The following CNTN1 variants were observed in gnomAD, a reference collection of about 807,000 sequenced individuals.
CNTN1 encodes contactin-1.
In CNTN1, 38 loss-of-function variants were observed where a neutral mutation model predicts 126.4. That is an observed-to-expected ratio of 0.30 (90% CI 0.23 to 0.39). The LOEUF (loss-of-function observed/expected upper bound fraction) is 0.39. Among genes scored for constraint, CNTN1 ranks in the 10% least tolerant of loss-of-function variants. The probability of loss-of-function intolerance (pLI) is 1.00; values close to 1 mark genes in which losing one functional copy is unlikely to be tolerated. For synonymous variants in CNTN1, 413 were observed against 422.6 expected (o/e 0.98, Z 0.28); for missense variants, 1,009 against 1,248.4 (o/e 0.81, Z 2.89).
chr12:40,833,159 A>G (rs1300900000), intron 1 of CNTN1, among the ~76,000 whole-genome samples: 1 of 151,950 alleles, frequency 6.6e-6, no homozygotes, highest in African/African-American at 2.4e-5. Flanking sequence ...CAATGGTGCA[A>G]TCTCGGCTCA....
At chr12:40,797,795 C>T (rs1225812204) in intron 1 of CNTN1, among the ~76,000 whole-genome samples, 1 of 151,794 alleles carries the variant, frequency 6.6e-6, no homozygotes, top group Non-Finnish European at 1.5e-5. Flanking sequence ...TTATGCAGTA[C>T]AAAACAAGGT....
chr12:40,943,756 A>G (rs1268524713), intron 13 of CNTN1, 32 bp downstream of exon 13: 2 of 1,609,292 alleles, frequency 1.2e-6, no homozygotes, highest in African/African-American at 2.7e-5. Context: ...CTTAATTTCT[A>G]ATGTATTAAA....
At chr12:41,033,525 C>T (rs890097694) in intron 23 of CNTN1, among the ~76,000 whole-genome samples, 1 of 152,022 alleles carries the variant, frequency 6.6e-6, no homozygotes, top group Non-Finnish European at 1.5e-5. Flanking sequence ...TTTAAATAGA[C>T]TATAGATAGC....
intron 1 of CNTN1, among the ~76,000 whole-genome samples, chr12:40,892,024 C>T (rs1485610079): frequency 6.6e-6 from 1 of 152,046 alleles, no homozygotes; most frequent in Non-Finnish European, 1.5e-5. Flanking sequence ...ATGTTTTTAT[C>T]TTTGTGTTTT....
intron 20 of CNTN1, among the ~76,000 whole-genome samples, chr12:41,024,683 C>T (rs141669730): frequency 2.6e-5 from 4 of 152,198 alleles, no homozygotes; most frequent in African/African-American, 9.6e-5. Context: ...GTATTCTAGG[C>T]CACATAGTAA....
intron 17 of CNTN1, among the ~76,000 whole-genome samples, chr12:40,999,699 T>C (rs1249900600): frequency 5.7e-5 from 2 of 35,254 alleles, no homozygotes; most frequent in East Asian, 5.0e-4. Context: ...CTTCTGTGCT[T>C]TTTTTTTTTT....
intron 1 of CNTN1, among the ~76,000 whole-genome samples, chr12:40,757,340 C>T (rs534859314): frequency 6.6e-6 from 1 of 151,810 alleles, no homozygotes; most frequent in South Asian, 2.1e-4. Context: ...TTCCACATTC[C>T]TGTGACTTCT....
intron 23 of CNTN1, among the ~76,000 whole-genome samples, chr12:41,031,539 C>A (rs1277323066): frequency 6.6e-6 from 1 of 152,104 alleles, no homozygotes; most frequent in Non-Finnish European, 1.5e-5. Context: ...ATTGCTCATA[C>A]ATTTCCTAAA....
chr12:40,754,823 T>C (rs1466466819), intron 1 of CNTN1, among the ~76,000 whole-genome samples: 1 of 152,052 alleles, frequency 6.6e-6, no homozygotes, highest in African/African-American at 2.4e-5. Context: ...GAAAAAGAAC[T>C]CTATGCCTTC....
chr12:41,055,157 C>A (rs1949775770), intron 23 of CNTN1, among the ~76,000 whole-genome samples: 1 of 151,838 alleles, frequency 6.6e-6, no homozygotes, highest in African/African-American at 2.4e-5. Context: ...TTTTTATTAT[C>A]TTGGATTGGT....
chr12:40,780,130 A>C (rs1302549530), intron 1 of CNTN1, among the ~76,000 whole-genome samples: 2 of 151,900 alleles, frequency 1.3e-5, no homozygotes, highest in African/African-American at 4.8e-5. Context: ...CCTGCTTTGG[A>C]GATACGGCTG....
At chr12:40,808,490 A>G (rs959429140) in intron 1 of CNTN1, among the ~76,000 whole-genome samples, 2 of 152,196 alleles carry the variant, frequency 1.3e-5, no homozygotes, top group Admixed American at 6.5e-5. Context: ...CAGATAAAAT[A>G]GGTGTAAATA....
At chr12:41,001,959 C>T (rs1252981197) in intron 17 of CNTN1, among the ~76,000 whole-genome samples, 1 of 152,062 alleles carries the variant, frequency 6.6e-6, no homozygotes, top group African/African-American at 2.4e-5. Context: ...TTTCTGGGTT[C>T]TCTATTCTGT....
intron 17 of CNTN1, 54 bp downstream of exon 17, chr12:40,993,323 C>T: frequency 7.0e-7 from 1 of 1,420,964 alleles, no homozygotes; most frequent in African/African-American, 1.4e-5. Context: ...TACAGTGCCA[C>T]TTTCATATAT....
intron 1 of CNTN1, among the ~76,000 whole-genome samples, chr12:40,783,496 G>A (rs1939885667): frequency 6.6e-6 from 1 of 152,066 alleles, no homozygotes; most frequent in African/African-American, 2.4e-5. Flanking sequence ...ATTAAAGGCT[G>A]ATCATCAGAC....
chr12:41,045,116 C>T (rs1307751856), intron 23 of CNTN1, among the ~76,000 whole-genome samples: 1 of 151,988 alleles, frequency 6.6e-6, no homozygotes, highest in Non-Finnish European at 1.5e-5. Flanking sequence ...ATTCTTTACA[C>T]TCAAGTGGAT....
intron 1 of CNTN1, among the ~76,000 whole-genome samples, chr12:40,895,164 C>G (rs556420489): frequency 5.3e-5 from 8 of 152,226 alleles, no homozygotes; most frequent in Non-Finnish European, 1.2e-4. Context: ...TTTTATACTA[C>G]TTTTAATTTG....
intron 22 of CNTN1, among the ~76,000 whole-genome samples, chr12:41,028,251 C>T (rs1450758333): frequency 5.3e-5 from 8 of 152,042 alleles, no homozygotes; most frequent in Non-Finnish European, 1.2e-4. Context: ...AGGGTGGTCT[C>T]GAACTCCTGA....
At chr12:40,715,889 G>A (rs1187644043) in intron 1 of CNTN1, among the ~76,000 whole-genome samples, 1 of 152,022 alleles carries the variant, frequency 6.6e-6, no homozygotes, top group African/African-American at 2.4e-5. Flanking sequence ...TCTGATGCCT[G>A]GACACCACCA....
Sources: allele counts gnomAD v4.1 joint callset (sites outside exome capture counted in the v4.1 genomes callset), GRCh38; gene constraint gnomAD v4.1.1; transcripts MANE v1.5; gene names NCBI Gene and HGNC (gene_info 2026-07-23, HGNC 2026-07-21).